The following SAP30L variants were observed in gnomAD, a reference collection of about 807,000 sequenced individuals.
The protein encoded by SAP30L is histone deacetylase complex subunit SAP30L.
A neutral mutation model predicts 22.3 loss-of-function variants in SAP30L; 10 were observed. The observed-to-expected ratio is 0.45, with a 90% CI of 0.28 to 0.76. The LOEUF is 0.76. SAP30L is among the 30% of genes least tolerant of loss of function. The pLI is 0.14. For missense variants in SAP30L, 206 were observed against 237.9 expected (o/e 0.87, Z 0.88); for synonymous variants, 91 against 94.1 (o/e 0.97, Z 0.19).
chr5:154,452,171 CTG>C (rs1050889289), intron 2 of SAP30L, among the ~76,000 whole-genome samples: 12 of 152,246 alleles, frequency 7.9e-5, no homozygotes, highest in African/African-American at 2.2e-4. Context: ...GTGAAAATGA[CTG>C]TGTAGGAATA....
In SAP30L at chr5:154,460,481, T is replaced by C. The variant is rs1297117605; in HGVS notation, c.*4453T>C. On this transcript the variant is annotated 3_prime_UTR_variant, in exon 4 of 4. Transcript: ENST00000297109. ...GCTCAAGATCATGCCTTGGGAAGCA[T>C]GGTGCTCTAGGGGTGCCTTTTTATT... 6.6e-6 allele frequency: 1 copy of C among 152,212 alleles called. No homozygotes were observed. The highest frequency in any genetic ancestry group is 1.5e-5 in the Non-Finnish European group (1 of 68,042). The allele number at this position is 152,212 out of a possible 1,614,324, so 9.4% of individuals were successfully genotyped here. A position where few individuals can be genotyped will look rare whatever the true frequency, so the allele number is the denominator to read the frequency against.
In SAP30L at chr5:154,446,280, G is replaced by A. The variant is rs1409971055; in HGVS notation, c.-325G>A. 1 of 261,808 alleles carries A rather than the reference G, an allele frequency of 3.8e-6. No homozygotes were observed. Among genetic ancestry groups the A allele is most frequent in the African/African-American group, 2.2e-5 (1 of 45,122 alleles). 16.2% of individuals were successfully genotyped at this position (261,808 alleles called of 1,614,324 possible). A position where few individuals can be genotyped will look rare whatever the true frequency, so the allele number is the denominator to read the frequency against. ...TCCTTGGGGAGCGGCTGTTTCCTGGGACGCCCTCCCGGACACCCCCGCTGC... is the reference window on the plus strand; with the variant it reads ...TCCTTGGGGAGCGGCTGTTTCCTGGAACGCCCTCCCGGACACCCCCGCTGC... On this transcript the variant is annotated 5_prime_UTR_variant, in exon 1 of 4. Transcript: ENST00000297109.
At chr5:154,449,450 C>T (rs1582039841) in intron 1 of SAP30L, among the ~76,000 whole-genome samples, 2 of 152,292 alleles carry the variant, frequency 1.3e-5, no homozygotes, top group East Asian at 3.9e-4. Flanking sequence ...AGTTCTCTTA[C>T]AGCTAGGATT....
chr5:154,459,193 C>T lies in SAP30L; in HGVS notation c.*3165C>T, dbSNP rs766378388. 1.3e-5 allele frequency: 2 copies of T among 152,224 alleles called. No individual in the cohort carries two copies. Among genetic ancestry groups the T allele is most frequent in the Non-Finnish European group, 2.9e-5 (2 of 68,054 alleles). The allele number at this position is 152,224 out of a possible 1,614,324, so 9.4% of individuals were successfully genotyped here. On this transcript the variant is annotated 3_prime_UTR_variant, in exon 4 of 4. Transcript: ENST00000297109. ...TTGCTTCATGGAAGTCATCCAAAGG[C>T]GCTCTCAGTCATTACAATGACAGGA... is the stretch of plus-strand genomic sequence containing the variant.
At chr5:154,454,566 C>G (rs893709912) in intron 3 of SAP30L, among the ~76,000 whole-genome samples, 3 of 152,188 alleles carry the variant, frequency 2.0e-5, no homozygotes, top group African/African-American at 7.2e-5. Flanking sequence ...AGGCTTCCAG[C>G]CTGTTTCATT....
rs1421723663 is a variant in SAP30L at position 154,451,196 on chromosome 5, G to A, written c.307G>A (p.Asp103Asn). 28 of 1,613,786 alleles carry A rather than the reference G, an allele frequency of 1.7e-5. No individual in the cohort carries two copies. Among genetic ancestry groups the A allele is most frequent in the African/African-American group, 5.3e-5 (4 of 74,890 alleles). ...SDDGGDSPEHDTDIPEVDLFQ... is the reference protein window; with the variant it reads ...SDDGGDSPEHNTDIPEVDLFQ... ...CGATGGCGGAGATTCTCCCGAGCACGACACTGACATTCCTGAGGTAAAGGT... is the reference window on the plus strand; with the variant it reads ...CGATGGCGGAGATTCTCCCGAGCACAACACTGACATTCCTGAGGTAAAGGT... Residue 103 changes from aspartate (D) to asparagine (N), a missense_variant, in exon 2 of 4, where the codon GAC becomes AAC. Asp to Asn is a conservative substitution (Grantham distance 23). Coordinates refer to ENST00000297109, the MANE Select transcript of SAP30L (RefSeq NM_024632.6).
rs1187344333 is a variant in SAP30L, at chr5:154,458,184, C to CTGTG, written c.*2162_*2165dup. ...GAAATGTTTTACCTTCAGCCAGATG[C>CTGTG]TGTGTGTGTACTTGGGTCCCTTGTC... On this transcript the variant is annotated 3_prime_UTR_variant, in exon 4 of 4. Transcript: ENST00000297109. 2.6e-5 allele frequency: 4 copies of CTGTG among 152,306 alleles called. No homozygotes were observed. The East Asian group carries it at 7.7e-4, about 29-fold the overall frequency. The allele number at this position is 152,306 out of a possible 1,614,324, so 9.4% of individuals were successfully genotyped here. A position where few individuals can be genotyped will look rare whatever the true frequency, so the allele number is the denominator to read the frequency against.
intron 1 of SAP30L, 109 bp downstream of exon 1, chr5:154,446,914 C>G: frequency 1.1e-6 from 1 of 904,098 alleles, no homozygotes; most frequent in Non-Finnish European, 1.7e-6. Context: ...GGCCTCGCCG[C>G]CCCGGCTCTG....
In SAP30L at chr5:154,451,361, A is replaced by G. The variant is rs550695732; in HGVS notation, c.324+148A>G. ...TATTTGAAAAGTGAATTATAGTAATATGGAATCTGAGAGCTAAAAGCTTGG... is the reference window on the plus strand; with the variant it reads ...TATTTGAAAAGTGAATTATAGTAATGTGGAATCTGAGAGCTAAAAGCTTGG... On this transcript the variant is annotated intron_variant, in intron 2 of 3. Coordinates refer to ENST00000297109, the MANE Select transcript of SAP30L (RefSeq NM_024632.6). The G allele has an allele frequency of 1.0e-5, 9 of 869,498 alleles. No individual in the cohort carries two copies. The South Asian group carries it at 1.1e-4, about 11-fold the overall frequency. The allele number at this position is 869,498 out of a possible 1,614,324, so 53.9% of individuals were successfully genotyped here.
chr5:154,448,036 C>T (rs1416078998), intron 1 of SAP30L, among the ~76,000 whole-genome samples: 2 of 125,836 alleles, frequency 1.6e-5, no homozygotes, highest in African/African-American at 6.3e-5. Context: ...AGTGCAGTGG[C>T]AAGATCTCGA....
At chr5:154,451,299 TAAG>T (rs1757134696) in intron 2 of SAP30L, 86 bp downstream of exon 2, 5 of 1,411,586 alleles carry the variant, frequency 3.5e-6, no homozygotes, top group African/African-American at 2.9e-5. Context: ...CTTTTTGTGT[TAAG>T]AAGTAATTTT....
chr5:154,451,326 T>A, intron 2 of SAP30L, 113 bp downstream of exon 2: 1 of 1,196,558 alleles, frequency 8.4e-7, no homozygotes, highest in East Asian at 2.4e-5. Flanking sequence ...CCTTTTGTTT[T>A]GCTGTGGATT....
intron 2 of SAP30L, among the ~76,000 whole-genome samples, chr5:154,451,483 A>G (rs1300529770): frequency 1.3e-5 from 2 of 152,246 alleles, no homozygotes; most frequent in Non-Finnish European, 2.9e-5. Context: ...GGCCCTTTCC[A>G]GTAGACCACA....
intron 3 of SAP30L, 32 bp downstream of exon 3, chr5:154,453,532 C>G (rs1433796360): frequency 2.2e-6 from 3 of 1,390,266 alleles, no homozygotes; most frequent in South Asian, 1.2e-5. Context: ...CTAAAGAGAG[C>G]CAGCATTGTG....
At chr5:154,451,034 C>G (rs540586298) in intron 1 of SAP30L, 57 bp from the exon 2 acceptor site, 1 of 1,596,826 alleles carries the variant, frequency 6.3e-7, no homozygotes, top group Non-Finnish European at 8.6e-7. Flanking sequence ...TCGACAGATA[C>G]CTATTGCTGT....
At position 154,460,896 on chromosome 5, in the gene SAP30L, A is replaced by G. The variant is rs1221344625; in HGVS notation, c.*4868A>G. The G allele has an allele frequency of 6.6e-6, 1 of 152,036 alleles. No individual in the cohort carries two copies. Among genetic ancestry groups the G allele is most frequent in the Non-Finnish European group, 1.5e-5 (1 of 68,008 alleles). The allele number at this position is 152,036 out of a possible 1,614,324, so 9.4% of individuals were successfully genotyped here. A position where few individuals can be genotyped will look rare whatever the true frequency, so the allele number is the denominator to read the frequency against. On this transcript the variant is annotated 3_prime_UTR_variant, in exon 4 of 4. Transcript: ENST00000297109. ...TGTTTCCTGCCAAATCTGGGGGATC[A>G]TTTGTATTTTAACTTCGTAATCTAT...
rs1194262983 is a variant in SAP30L at position 154,457,714 on chromosome 5, T to C, written c.*1686T>C. On this transcript the variant is annotated 3_prime_UTR_variant, in exon 4 of 4. Transcript: ENST00000297109. Reference sequence around the variant, plus strand: ...AGATTGCAGCCTTTTAAATTAAATATATATAAATGGTTGTATATAGAATAT... The same window carrying C: ...AGATTGCAGCCTTTTAAATTAAATACATATAAATGGTTGTATATAGAATAT... 6.6e-6 allele frequency: 1 copy of C among 152,200 alleles called. No individual in the cohort carries two copies. The highest frequency in any genetic ancestry group is 6.5e-5 in the Admixed American group (1 of 15,272). The allele number at this position is 152,200 out of a possible 1,614,324, so 9.4% of individuals were successfully genotyped here. A position where few individuals can be genotyped will look rare whatever the true frequency, so the allele number is the denominator to read the frequency against.
chr5:154,453,237 G>T, intron 2 of SAP30L, 165 bp from the exon 3 acceptor site: 1 of 532,034 alleles, frequency 1.9e-6, no homozygotes, highest in Non-Finnish European at 3.4e-6. Context: ...TGTTATTTTT[G>T]CCCTCCTAGC....
At chr5:154,451,346 G>A in intron 2 of SAP30L, 133 bp downstream of exon 2, 1 of 940,650 alleles carries the variant, frequency 1.1e-6, no homozygotes. Flanking sequence ...TATTTGAAAA[G>A]TGAATTATAG....
Sources: allele counts gnomAD v4.1 joint callset (sites outside exome capture counted in the v4.1 genomes callset), GRCh38; gene constraint gnomAD v4.1.1; transcripts MANE v1.5; gene names NCBI Gene and HGNC (gene_info 2026-07-23, HGNC 2026-07-21).